Variants in COL4A1 observed in about 807,000 individuals in gnomAD.
COL4A1 encodes collagen type IV alpha 1 chain, also known as collagen alpha-1(IV) chain.
COL4A1 carries 40 observed loss-of-function variants against 216.6 expected under a neutral mutation model. The ratio of observed to expected loss-of-function variants is 0.18; its 90% CI spans 0.14 to 0.24. The LOEUF (loss-of-function observed/expected upper bound fraction) is 0.24. Ranked by LOEUF, COL4A1 falls within the 10% of genes least tolerant of loss-of-function variation. The pLI is 1.00. For missense variants in COL4A1, 1,628 were observed against 2,196.8 expected, an observed-to-expected ratio of 0.74 and a Z score of 5.18; for synonymous variants, 839 against 810.7, an observed-to-expected ratio of 1.03 and a Z score of -0.59.
chr13:110,287,188 T>C lies in COL4A1; in HGVS notation c.84+19756A>G, dbSNP rs183580716. On this transcript the variant is annotated intron_variant, in intron 1 of 51. Coordinates refer to ENST00000375820, the MANE Select transcript of COL4A1 (RefSeq NM_001845.6). ...CATGCAGAGACGCACTTTTCCCCAC[T>C]ATGTGTCAGAGGGAAGGAACGCCCT... Among the ~76,000 whole-genome samples, 662 of 152,304 alleles carry C rather than the reference T, an allele frequency of 4.3e-3. 3 individuals are homozygous for C. Among genetic ancestry groups the C allele is most frequent in the African/African-American group, 0.015 (615 of 41,560 alleles).
At chr13:110,187,925 TC>T (rs1368074453) in intron 24 of COL4A1, among the ~76,000 whole-genome samples, 1 of 152,156 alleles carries the variant, frequency 6.6e-6, no homozygotes, top group African/African-American at 2.4e-5. Context: ...GATAAGGACT[TC>T]CAGGGCACCA....
chr13:110,242,700 T>A lies in COL4A1; in HGVS notation c.119A>T (p.Asp40Val), dbSNP rs1324859843. Residue 40 changes from aspartate to valine, a missense_variant, in exon 2 of 52, where the codon GAC (aspartate) becomes GTC (valine). Asp to Val is a radical substitution (Grantham distance 152). This residue lies in a region of COL4A1 where 74 missense variants were observed against 61.7 expected (regional missense o/e 1.20). Coordinates refer to ENST00000375820, the MANE Select transcript of COL4A1 (RefSeq NM_001845.6). Reference protein sequence around the residue: ...GCAGSGCGKCDCHGVKGQKGE... With the variant: ...GCAGSGCGKCVCHGVKGQKGE... ...CTTTTGTCCCTTCACTCCATGGCAG[T>A]CACATTTGCCACAGCCAGAGCCAGC... 3 of 1,614,244 alleles carry A rather than the reference T, an allele frequency of 1.9e-6. No individual in the cohort carries two copies. The Admixed American group carries it at 5.0e-5, about 27-fold the overall frequency.
chr13:110,298,056 T>C (rs925448452), intron 1 of COL4A1, among the ~76,000 whole-genome samples: 3 of 152,128 alleles, frequency 2.0e-5, no homozygotes, highest in Non-Finnish European at 4.4e-5. Flanking sequence ...TATCATAATA[T>C]ATTAATTGAT....
At chr13:110,198,357 T>C (rs1879002806) in intron 21 of COL4A1, 110 bp downstream of exon 21, 1 of 1,198,160 alleles carries the variant, frequency 8.3e-7, no homozygotes. Flanking sequence ...AATCCACGCC[T>C]TTCTATTACA....
In COL4A1 at chr13:110,176,630, C is replaced by T. The variant is rs753771704; in HGVS notation, c.2964G>A (p.Gln988=). The change falls in exon 35 of 52, where the codon CAG becomes CAA. Residue 988 remains glutamine, a synonymous_variant. Transcript: ENST00000375820. ...GACCGGAGCTCCACACTGTACCTGG[C>T]TGCCCAGGCTGTCCTGCCTGCCCGT... ...GKDGQAGQPG[Q]PGPKGDPGIS... is the part of the protein sequence containing the mutation. The T allele has an allele frequency of 1.2e-6, 2 of 1,613,888 alleles. No homozygotes were observed. The highest frequency in any genetic ancestry group is 1.7e-5 in the Admixed American group (1 of 60,014).
At chr13:110,198,734 C>A in intron 20 of COL4A1, 103 bp from the exon 21 acceptor site, 2 of 1,484,780 alleles carry the variant, frequency 1.3e-6, no homozygotes, top group Non-Finnish European at 1.9e-6. Flanking sequence ...TCCAACCAGA[C>A]CATCACTGAA....
intron 41 of COL4A1, 75 bp from the exon 42 acceptor site, chr13:110,170,807 A>G: frequency 2.0e-6 from 3 of 1,527,264 alleles, no homozygotes; most frequent in East Asian, 4.5e-5. Flanking sequence ...GACGGCAGAG[A>G]TGGGATGAGG....
At chr13:110,164,465 C>A (rs148984732) in intron 46 of COL4A1, among the ~76,000 whole-genome samples, 1 of 152,286 alleles carries the variant, frequency 6.6e-6, no homozygotes, top group African/African-American at 2.4e-5. Context: ...GAGAATTGTA[C>A]AGACAGTGCC....
At chr13:110,266,475 G>T (rs979595589) in intron 1 of COL4A1, among the ~76,000 whole-genome samples, 13 of 152,142 alleles carry the variant, frequency 8.5e-5, no homozygotes, top group African/African-American at 3.1e-4. Context: ...GCTGGATGGG[G>T]GTAAGAAAAC....
intron 1 of COL4A1, among the ~76,000 whole-genome samples, chr13:110,263,634 A>G (rs965998935): frequency 6.6e-6 from 1 of 152,144 alleles, no homozygotes; most frequent in Admixed American, 6.5e-5. Context: ...GTTTATTTTT[A>G]TCATCAAAAT....
intron 49 of COL4A1, 75 bp downstream of exon 49, chr13:110,161,117 G>T: frequency 6.7e-7 from 1 of 1,486,146 alleles, no homozygotes; most frequent in Admixed American, 1.7e-5. Context: ...GAGAAAAATA[G>T]AAAACATATG....
chr13:110,219,674 A>G (rs1255165762), intron 2 of COL4A1, among the ~76,000 whole-genome samples: 2 of 68,428 alleles, frequency 2.9e-5, no homozygotes, highest in African/African-American at 1.0e-4. Flanking sequence ...ATATATATAT[A>G]TATGTGTATA....
At chr13:110,158,867 T>C (rs1876928680) in intron 49 of COL4A1, among the ~76,000 whole-genome samples, 1 of 151,630 alleles carries the variant, frequency 6.6e-6, no homozygotes, top group Non-Finnish European at 1.5e-5. Flanking sequence ...CTCAGCCTCC[T>C]GAGTAGCTGG....
intron 1 of COL4A1, among the ~76,000 whole-genome samples, chr13:110,263,099 C>T (rs930600927): frequency 3.3e-5 from 5 of 152,308 alleles, no homozygotes; most frequent in Non-Finnish European, 7.3e-5. Flanking sequence ...AAAACTCCCA[C>T]GCAGCAGAAA....
chr13:110,274,218 A>T (rs7329762), intron 1 of COL4A1, among the ~76,000 whole-genome samples: 32 of 152,312 alleles, frequency 2.1e-4, no homozygotes, highest in African/African-American at 7.5e-4. Flanking sequence ...AATTATTATA[A>T]TGGGATAGAA....
At chr13:110,289,718 C>T (rs572633059) in intron 1 of COL4A1, among the ~76,000 whole-genome samples, 4 of 152,178 alleles carry the variant, frequency 2.6e-5, no homozygotes, top group African/African-American at 9.7e-5. Flanking sequence ...CCCACAGCCA[C>T]CTTCAGGGCT....
intron 20 of COL4A1, among the ~76,000 whole-genome samples, chr13:110,199,637 C>T (rs779126987): frequency 1.1e-4 from 17 of 152,082 alleles, no homozygotes; most frequent in Non-Finnish European, 2.5e-4. Flanking sequence ...GAGCTGGGGG[C>T]GGGCAGAGGC....
chr13:110,223,502 C>T (rs1478765472), intron 2 of COL4A1, among the ~76,000 whole-genome samples: 1 of 152,192 alleles, frequency 6.6e-6, no homozygotes, highest in Non-Finnish European at 1.5e-5. Context: ...CTTTCTAAAC[C>T]TACTACCTAA....
chr13:110,257,960 T>C (rs1393252163), intron 1 of COL4A1, among the ~76,000 whole-genome samples: 1 of 152,234 alleles, frequency 6.6e-6, no homozygotes, highest in Non-Finnish European at 1.5e-5. Context: ...ATTCATTCCA[T>C]GTCCCTGGTC....
Sources: gnomAD v4.1 joint callset for allele counts (sites outside exome capture counted in the v4.1 genomes callset) on GRCh38, gnomAD v4.1.1 for gene constraint, gnomAD v4.1.1 regional missense constraint, MANE v1.5 for transcripts, NCBI Gene and HGNC (gene_info 2026-07-23, HGNC 2026-07-21) for gene names.